NAV2: variants seen among roughly 807,000 people sequenced by gnomAD.
NAV2 encodes the protein neuron navigator 2, also known as helicase, APC down-regulated 1.
In NAV2, 54 loss-of-function variants were observed where a neutral mutation model predicts 223.2. That is an observed-to-expected ratio of 0.24 (90% CI 0.19 to 0.30). The LOEUF is 0.30. NAV2 is among the 10% of genes least tolerant of loss of function. The probability of loss-of-function intolerance (pLI) is 1.00; values close to 1 mark genes in which losing one functional copy is unlikely to be tolerated. For missense variants in NAV2, 2,806 were observed against 3,147.5 expected, an observed-to-expected ratio of 0.89 and a Z score of 2.60; for synonymous variants, 1,279 against 1,239.3, an observed-to-expected ratio of 1.03 and a Z score of -0.67.
intron 1 of NAV2, among the ~76,000 whole-genome samples, chr11:19,597,475 A>G (rs928564366): frequency 1.3e-5 from 2 of 152,132 alleles, no homozygotes; most frequent in African/African-American, 4.8e-5. Flanking sequence ...GAAATCTCCA[A>G]TATGACTAAT....
intron 1 of NAV2, among the ~76,000 whole-genome samples, chr11:19,512,166 C>T (rs543876027): frequency 4.9e-4 from 74 of 152,234 alleles, no homozygotes; most frequent in African/African-American, 1.7e-3. Flanking sequence ...CTAGGAGGCT[C>T]TGTTGGGACT....
At position 19,361,370 on chromosome 11, in the gene NAV2, C is replaced by T. The variant is rs202018720; in HGVS notation, c.75+10343C>T. On this transcript the variant is annotated intron_variant, in intron 1 of 37. Coordinates refer to the NAV2 transcript ENST00000360655. ...GTTCCAATCCCAGCATGTCACCTCTCGAGTGACAGGCATGACTGGGTGTCA... is the reference window on the plus strand; with the variant it reads ...GTTCCAATCCCAGCATGTCACCTCTTGAGTGACAGGCATGACTGGGTGTCA... 7.9e-5 allele frequency among the ~76,000 whole-genome samples: 12 copies of T among 152,160 alleles called. No homozygotes were observed. The East Asian group carries it at 1.7e-3, about 22-fold the overall frequency.
intron 1 of NAV2, among the ~76,000 whole-genome samples, chr11:19,676,909 A>G (rs960262166): frequency 8.5e-5 from 13 of 152,168 alleles, no homozygotes; most frequent in Non-Finnish European, 1.2e-4. Flanking sequence ...CTCTCCTTAG[A>G]TCGTTAAGAC....
intron 22 of NAV2, among the ~76,000 whole-genome samples, chr11:20,070,298 C>A (rs1409562353): frequency 6.6e-6 from 1 of 152,144 alleles, no homozygotes; most frequent in Non-Finnish European, 1.5e-5. Context: ...TGACAGCAAA[C>A]CCCTGTCAAA....
chr11:19,944,500 C>T (rs980453651), intron 8 of NAV2, among the ~76,000 whole-genome samples: 3 of 147,256 alleles, frequency 2.0e-5, no homozygotes, highest in Admixed American at 6.9e-5. Flanking sequence ...TTCCCCTTTC[C>T]TCTTTCCCCT....
chr11:19,800,166 C>T (rs1006219531), intron 1 of NAV2, among the ~76,000 whole-genome samples: 1 of 152,232 alleles, frequency 6.6e-6, no homozygotes, highest in African/African-American at 2.4e-5. Context: ...CCTCTGTCCT[C>T]CCCACTAGCT....
At chr11:19,717,266 T>C (rs1304428482) in intron 1 of NAV2, among the ~76,000 whole-genome samples, 2 of 152,246 alleles carry the variant, frequency 1.3e-5, no homozygotes, top group African/African-American at 4.8e-5. Flanking sequence ...AAATAGGACA[T>C]GGCCTGGGCC....
intron 10 of NAV2, among the ~76,000 whole-genome samples, chr11:19,970,084 T>A (rs1449118296): frequency 6.6e-6 from 1 of 152,216 alleles, no homozygotes; most frequent in Non-Finnish European, 1.5e-5. Flanking sequence ...TGTACCATAC[T>A]CACCCAATGT....
At chr11:19,843,198 A>G (rs2060599821) in intron 3 of NAV2, among the ~76,000 whole-genome samples, 2 of 152,244 alleles carry the variant, frequency 1.3e-5, no homozygotes, top group African/African-American at 4.8e-5. Flanking sequence ...TGGTACAAAC[A>G]TATACATGTT....
chr11:19,890,073 C>T (rs2041369810), intron 5 of NAV2, among the ~76,000 whole-genome samples: 3 of 152,200 alleles, frequency 2.0e-5, no homozygotes, highest in African/African-American at 7.2e-5. Context: ...AGGAAACTAA[C>T]ATACGGTGGC....
At chr11:19,529,340 G>A (rs994938993) in intron 1 of NAV2, among the ~76,000 whole-genome samples, 1 of 152,180 alleles carries the variant, frequency 6.6e-6, no homozygotes, top group Non-Finnish European at 1.5e-5. Context: ...TGGTTGTCTA[G>A]TTCTTGCTGG....
chr11:20,062,195 T>G lies in NAV2; in HGVS notation c.4832-112T>G, dbSNP rs114087389. On this transcript the variant is annotated intron_variant, in intron 19 of 37. Transcript: ENST00000349880. ...AGGAAAGGTTGTGTCAAGGTGAGAT[T>G]AAGTCATTCCAAGCCTGGAGTGTCC... The G allele has an allele frequency of 2.0e-3, 1,299 of 663,558 alleles. 8 individuals are homozygous for G. The African/African-American group carries it at 0.021, about 11-fold the overall frequency. The allele number at this position is 663,558 out of a possible 1,614,324, so 41.1% of individuals were successfully genotyped here.
chr11:19,868,806 C>A, intron 3 of NAV2, 119 bp from the exon 4 acceptor site: 5 of 865,230 alleles, frequency 5.8e-6, no homozygotes, highest in Non-Finnish European at 7.2e-6. Flanking sequence ...AGTGTCCTAT[C>A]TTGGCGTTCG....
At chr11:19,394,923 G>A (rs1179829033) in intron 1 of NAV2, among the ~76,000 whole-genome samples, 1 of 152,192 alleles carries the variant, frequency 6.6e-6, no homozygotes, top group Non-Finnish European at 1.5e-5. Context: ...CAGTGTGTGT[G>A]GTTAACCAGT....
At chr11:19,491,979 G>C (rs2042643960) in intron 1 of NAV2, among the ~76,000 whole-genome samples, 1 of 148,408 alleles carries the variant, frequency 6.7e-6, no homozygotes, top group Admixed American at 6.6e-5. Context: ...GAGAGAGAGA[G>C]AGAGAGAAAG....
chr11:20,069,443 C>G (rs2059259832), intron 22 of NAV2, among the ~76,000 whole-genome samples: 1 of 152,090 alleles, frequency 6.6e-6, no homozygotes, highest in South Asian at 2.1e-4. Flanking sequence ...TTAGCAGACA[C>G]CTCTCAGTGC....
chr11:19,736,764 A>G (rs2052341880), intron 1 of NAV2, among the ~76,000 whole-genome samples: 1 of 152,192 alleles, frequency 6.6e-6, no homozygotes, highest in South Asian at 2.1e-4. Flanking sequence ...GCTGTTCTAC[A>G]TGTTGATTAT....
intron 10 of NAV2, among the ~76,000 whole-genome samples, chr11:19,958,263 C>T (rs894251391): frequency 2.0e-5 from 3 of 152,150 alleles, no homozygotes; most frequent in Non-Finnish European, 2.9e-5. Context: ...AGTAAAATCC[C>T]GTGTAAAAAG....
intron 1 of NAV2, among the ~76,000 whole-genome samples, chr11:19,482,680 G>T (rs1283722208): frequency 6.6e-6 from 1 of 152,212 alleles, no homozygotes; most frequent in Non-Finnish European, 1.5e-5. Context: ...GAGAGGCTGA[G>T]AAGTCATCTG....
Sources: allele counts gnomAD v4.1 joint callset (sites outside exome capture counted in the v4.1 genomes callset), GRCh38; gene constraint gnomAD v4.1.1; transcripts MANE v1.5; gene names NCBI Gene and HGNC (gene_info 2026-07-23, HGNC 2026-07-21).